The following TMTC1 variants were observed in gnomAD, a reference collection of about 807,000 sequenced individuals.
TMTC1 encodes the protein transmembrane O-mannosyltransferase targeting cadherins 1.
TMTC1 carries 73 observed loss-of-function variants against 104.8 expected under a neutral mutation model. The observed-to-expected ratio is 0.70, with a 90% CI of 0.58 to 0.85. The LOEUF is 0.85. TMTC1 is among the 40% of genes least tolerant of loss of function. The probability of loss-of-function intolerance (pLI) is 0.00; values close to 1 mark genes in which losing one functional copy is unlikely to be tolerated. For missense variants in TMTC1, 1,035 were observed against 1,096.1 expected (o/e 0.94, Z 0.79); for synonymous variants, 434 against 428.7 (o/e 1.01, Z -0.15).
At chr12:29,683,785 T>A (rs10843485) in intron 5 of TMTC1, among the ~76,000 whole-genome samples, 30,813 of 151,938 alleles carry the variant, frequency 0.2, 3,464 homozygotes, top group East Asian at 0.3. Context: ...TTGAAATGTC[T>A]GCACTAACAA....
At chr12:29,656,382 C>CA (rs1185170301) in intron 5 of TMTC1, among the ~76,000 whole-genome samples, 4 of 127,018 alleles carry the variant, frequency 3.1e-5, no homozygotes, top group African/African-American at 1.2e-4. Context: ...TTTTTAAAGA[C>CA]AGAGTCTCGC....
chr12:29,619,963 C>A (rs1391474743), intron 6 of TMTC1, among the ~76,000 whole-genome samples: 1 of 152,182 alleles, frequency 6.6e-6, no homozygotes, highest in Non-Finnish European at 1.5e-5. Context: ...GGGAGGAGAG[C>A]ATTAACTTTT....
chr12:29,708,033 C>T (rs1941796915), intron 5 of TMTC1, among the ~76,000 whole-genome samples: 1 of 152,198 alleles, frequency 6.6e-6, no homozygotes, highest in South Asian at 2.1e-4. Flanking sequence ...CACAAGATGT[C>T]CTCATTCAAG....
chr12:29,600,795 G>T (rs1490292073), intron 7 of TMTC1, among the ~76,000 whole-genome samples: 1 of 152,140 alleles, frequency 6.6e-6, no homozygotes, highest in East Asian at 1.9e-4. Context: ...CATCTCCGGA[G>T]GGGGAAAGTA....
chr12:29,659,375 G>T (rs2136635994), intron 5 of TMTC1, among the ~76,000 whole-genome samples: 1 of 152,286 alleles, frequency 6.6e-6, no homozygotes, highest in Admixed American at 6.5e-5. Context: ...CTTCCTTGGA[G>T]GTAAGTTCTT....
rs769580729 is a variant in TMTC1, at chr12:29,556,885, C to A, written c.1648G>T (p.Ala550Ser). ...ALQLHPQHNR[A>S]LFNLGNLLKS... ...AGGAGATTCCCCAGATTGAAAAGAGCCCGGTTATGCTGTGGATGGAGCTGG... is the reference window on the plus strand; with the variant it reads ...AGGAGATTCCCCAGATTGAAAAGAGACCGGTTATGCTGTGGATGGAGCTGG... Residue 550 changes from alanine (A) to serine (S), a missense_variant, in exon 10 of 18, where the codon GCT becomes TCT. By Grantham distance (99) the Ala-to-Ser change is moderately conservative. Transcript: ENST00000539277. 3.7e-6 allele frequency: 6 copies of A among 1,613,982 alleles called. No individual in the cohort carries two copies. The highest frequency in any genetic ancestry group is 4.2e-6 in the Non-Finnish European group (5 of 1,180,004).
chr12:29,541,744 C>T (rs756148236), intron 10 of TMTC1, among the ~76,000 whole-genome samples: 6 of 151,066 alleles, frequency 4.0e-5, no homozygotes, highest in East Asian at 1.9e-4. Flanking sequence ...CTGCAACCTC[C>T]GCCTCCCAGG....
intron 5 of TMTC1, among the ~76,000 whole-genome samples, chr12:29,660,244 T>C (rs1549405): frequency 0.21 from 31,685 of 152,158 alleles, 3,348 homozygotes; most frequent in Middle Eastern, 0.28. Flanking sequence ...AAGTCTTGAC[T>C]ACCCCTCTGG....
chr12:29,535,448 G>T (rs1056634124), intron 11 of TMTC1: 1 of 152,030 alleles, frequency 6.6e-6, no homozygotes, highest in Non-Finnish European at 1.5e-5. Context: ...GATGCAAATC[G>T]CTCCCTACAA....
At chr12:29,672,309 A>G (rs953893765) in intron 5 of TMTC1, among the ~76,000 whole-genome samples, 3 of 152,176 alleles carry the variant, frequency 2.0e-5, no homozygotes, top group Non-Finnish European at 1.5e-5. Flanking sequence ...TCCAACTCTA[A>G]TTTGCTCCCA....
At chr12:29,641,579 GAATCTGAAC>G (rs1789120620) in intron 5 of TMTC1, among the ~76,000 whole-genome samples, 1 of 152,244 alleles carries the variant, frequency 6.6e-6, no homozygotes, top group South Asian at 2.1e-4. Flanking sequence ...TGGGACAAAA[GAATCTGAAC>G]AACAGCCTTC....
intron 5 of TMTC1, among the ~76,000 whole-genome samples, chr12:29,727,844 G>A (rs2136905879): frequency 6.6e-6 from 1 of 152,158 alleles, no homozygotes; most frequent in East Asian, 1.9e-4. Flanking sequence ...AGGCTAGAGT[G>A]CACTGCCACA....
intron 2 of TMTC1, among the ~76,000 whole-genome samples, chr12:29,760,247 G>GATACATATAAATGTAC (rs1201050249): frequency 1.1e-3 from 161 of 152,188 alleles, no homozygotes; most frequent in African/African-American, 3.9e-3. Flanking sequence ...TGAATGAATG[G>GATACATATAAATGTAC]ATACATATAA....
chr12:29,552,846 T>C (rs945731882), intron 10 of TMTC1, among the ~76,000 whole-genome samples: 1 of 152,260 alleles, frequency 6.6e-6, no homozygotes, highest in Non-Finnish European at 1.5e-5. Flanking sequence ...CAATATTGTG[T>C]ACATCTTAAA....
At chr12:29,665,009 T>C (rs6487840) in intron 5 of TMTC1, among the ~76,000 whole-genome samples, 118,082 of 152,048 alleles carry the variant, frequency 0.78, 45,910 homozygotes, top group Non-Finnish European at 0.8. Flanking sequence ...ACCTGAGCTT[T>C]ACTTCCTTCC....
intron 5 of TMTC1, among the ~76,000 whole-genome samples, chr12:29,637,067 A>G (rs1228791459): frequency 7.1e-6 from 1 of 140,448 alleles, no homozygotes; most frequent in Non-Finnish European, 1.5e-5. Flanking sequence ...TTTCAAAATG[A>G]AACGAAACAA....
At position 29,572,219 on chromosome 12, in the gene TMTC1, C is replaced by T. The variant is rs575624489; in HGVS notation, c.1419-1G>A. 1.2e-6 allele frequency: 2 copies of T among 1,605,292 alleles called. No individual in the cohort carries two copies. Among genetic ancestry groups the T allele is most frequent in the African/African-American group, 1.3e-5 (1 of 74,774 alleles). ...GTGGGGCAGAGTTTGAACTCCAGAC[C>T]TAAAATGAATAAATTTTTAAAAAGA... is the stretch of plus-strand genomic sequence containing the variant. On this transcript the variant is annotated splice_acceptor_variant, in intron 8 of 17. Coordinates refer to ENST00000539277, the MANE Select transcript of TMTC1 (RefSeq NM_001193451.2). LOFTEE classifies it high-confidence loss of function.
chr12:29,706,799 A>C (rs1312666559), intron 5 of TMTC1, among the ~76,000 whole-genome samples: 1 of 152,134 alleles, frequency 6.6e-6, no homozygotes, highest in Non-Finnish European at 1.5e-5. Flanking sequence ...TGCATGCTGT[A>C]ATTTCTCTTT....
chr12:29,529,590 C>A (rs1225420306), intron 11 of TMTC1, among the ~76,000 whole-genome samples: 3 of 152,160 alleles, frequency 2.0e-5, no homozygotes, highest in Non-Finnish European at 4.4e-5. Context: ...GATCTTTAAA[C>A]TCATGTCAAC....
Sources: gnomAD v4.1 joint callset for allele counts (sites outside exome capture counted in the v4.1 genomes callset) on GRCh38, gnomAD v4.1.1 for gene constraint, MANE v1.5 for transcripts, NCBI Gene and HGNC (gene_info 2026-07-23, HGNC 2026-07-21) for gene names.